The following HS2ST1 variants were observed in gnomAD, a reference collection of about 807,000 sequenced individuals.
The protein encoded by HS2ST1 is 2-O-sulfotransferase.
In HS2ST1, 18 loss-of-function variants were observed where a neutral mutation model predicts 42.9. That is an observed-to-expected ratio of 0.42 (90% confidence interval 0.29 to 0.62). HS2ST1 has a LOEUF of 0.62. Ranked by LOEUF, HS2ST1 falls within the 20% of genes least tolerant of loss-of-function variation. The pLI is 0.21. For synonymous variants in HS2ST1, 146 were observed against 152.9 expected (o/e 0.95, Z 0.33); for missense variants, 334 against 433.8 (o/e 0.77, Z 2.04).
intron 1 of HS2ST1, among the ~76,000 whole-genome samples, chr1:86,949,452 C>T (rs1647436281): frequency 6.6e-6 from 1 of 152,116 alleles, no homozygotes; most frequent in Non-Finnish European, 1.5e-5. Flanking sequence ...GGCCATACAT[C>T]TCTACAGAAA....
chr1:86,938,747 A>G (rs1160006276), intron 1 of HS2ST1, among the ~76,000 whole-genome samples: 1 of 152,192 alleles, frequency 6.6e-6, no homozygotes, highest in African/African-American at 2.4e-5. Flanking sequence ...AGTCTCAGAA[A>G]ATAAGGAGTT....
chr1:87,006,179 T>G (rs1211409221), intron 1 of HS2ST1, among the ~76,000 whole-genome samples: 1 of 152,174 alleles, frequency 6.6e-6, no homozygotes, highest in East Asian at 1.9e-4. Context: ...ACTGTTTTCC[T>G]TGTAATGTTT....
At chr1:86,986,078 C>G (rs553013683) in intron 1 of HS2ST1, among the ~76,000 whole-genome samples, 1 of 142,040 alleles carries the variant, frequency 7.0e-6, no homozygotes, top group African/African-American at 2.6e-5. Flanking sequence ...TTTTCCAGAA[C>G]AGCCCCAATT....
intron 1 of HS2ST1, among the ~76,000 whole-genome samples, chr1:86,990,849 T>A (rs1255436297): frequency 1.3e-4 from 14 of 108,612 alleles, no homozygotes; most frequent in African/African-American, 3.2e-4. Flanking sequence ...TTTTTTTTTT[T>A]TTTTTTTTTT....
chr1:87,033,836 C>A, intron 1 of HS2ST1, among the ~76,000 whole-genome samples: 1 of 152,094 alleles, frequency 6.6e-6, no homozygotes, highest in Non-Finnish European at 1.5e-5. Context: ...GAGCCACCGC[C>A]CCCGGCCTTA....
chr1:86,999,375 T>TAGAG (rs1196421811), intron 1 of HS2ST1, among the ~76,000 whole-genome samples: 3 of 151,992 alleles, frequency 2.0e-5, no homozygotes, highest in Non-Finnish European at 4.4e-5. Context: ...GCAGGGTTTC[T>TAGAG]CCATGTTGGT....
chr1:86,964,530 G>A (rs375993551), intron 1 of HS2ST1, among the ~76,000 whole-genome samples: 3 of 152,214 alleles, frequency 2.0e-5, no homozygotes, highest in Non-Finnish European at 4.4e-5. Context: ...CGCAGGCACT[G>A]GGCAGGCTGA....
chr1:86,985,383 T>TATATACACAC (rs1413099470), intron 1 of HS2ST1, among the ~76,000 whole-genome samples: 13 of 44,730 alleles, frequency 2.9e-4, no homozygotes, highest in East Asian at 4.4e-3. Context: ...TATATATATA[T>TATATACACAC]ACACACACAC....
intron 1 of HS2ST1, among the ~76,000 whole-genome samples, chr1:86,947,895 C>G (rs1370175260): frequency 6.6e-6 from 1 of 151,928 alleles, no homozygotes; most frequent in African/African-American, 2.4e-5. Flanking sequence ...AAGCACATCC[C>G]AAGAAGAAGA....
intron 1 of HS2ST1, among the ~76,000 whole-genome samples, chr1:87,025,536 C>CA (rs1650062181): frequency 6.6e-6 from 1 of 152,156 alleles, no homozygotes; most frequent in African/African-American, 2.4e-5. Flanking sequence ...GACAAATGCA[C>CA]AGAGACATCT....
At chr1:86,918,959 T>G (rs1028770284) in intron 1 of HS2ST1, among the ~76,000 whole-genome samples, 14 of 150,946 alleles carry the variant, frequency 9.3e-5, no homozygotes, top group African/African-American at 3.4e-4. Flanking sequence ...TTTTAAATTT[T>G]TTTTATTTTT....
chr1:86,985,401 T>C (rs113871755), intron 1 of HS2ST1, among the ~76,000 whole-genome samples: 344 of 29,670 alleles, frequency 0.012, 35 homozygotes, highest in African/African-American at 0.018. Flanking sequence ...CACACACACA[T>C]ATATATACAC....
chr1:87,022,627 AG>A (rs1293406385), intron 1 of HS2ST1, among the ~76,000 whole-genome samples: 1 of 152,048 alleles, frequency 6.6e-6, no homozygotes, highest in East Asian at 1.9e-4. Context: ...GGGCCCTAGA[AG>A]GGTTGCACCT....
chr1:86,950,387 G>A (rs1219186328), intron 1 of HS2ST1, among the ~76,000 whole-genome samples: 1 of 151,908 alleles, frequency 6.6e-6, no homozygotes, highest in Non-Finnish European at 1.5e-5. Context: ...TAGGTAGATA[G>A]ACAGACAGAC....
At position 87,108,456 on chromosome 1, in the gene HS2ST1, G is replaced by A. The variant is rs545971688; in HGVS notation, c.*3760G>A. On this transcript the variant is annotated 3_prime_UTR_variant, in exon 7 of 7. Coordinates refer to ENST00000370550, the MANE Select transcript of HS2ST1 (RefSeq NM_012262.4). ...CATAAATTAGTGCTGTTTACTTTCA[G>A]AGGAAGCAGAGAAGTTGCTGTTATG... The A allele has an allele frequency of 6.6e-6, 1 of 152,162 alleles. No homozygotes were observed. The highest frequency in any genetic ancestry group is 1.5e-5 in the Non-Finnish European group (1 of 67,950). 9.4% of individuals were successfully genotyped at this position (152,162 alleles called of 1,614,324 possible).
intron 1 of HS2ST1, among the ~76,000 whole-genome samples, chr1:86,940,470 A>G (rs955776174): frequency 4.6e-5 from 7 of 152,226 alleles, no homozygotes; most frequent in African/African-American, 1.7e-4. Context: ...ACTATTTACT[A>G]AAGCTGCATG....
chr1:87,054,739 C>G (rs532571568), intron 1 of HS2ST1, among the ~76,000 whole-genome samples: 2 of 152,280 alleles, frequency 1.3e-5, no homozygotes, highest in Admixed American at 1.3e-4. Context: ...TTTCTGCACT[C>G]TATCGGCCAG....
At chr1:86,923,924 C>T (rs959769448) in intron 1 of HS2ST1, among the ~76,000 whole-genome samples, 7 of 152,130 alleles carry the variant, frequency 4.6e-5, no homozygotes, top group Admixed American at 2.0e-4. Context: ...TCATGCCTTC[C>T]CACAGTCCCC....
chr1:87,002,464 G>T (rs932671942), intron 1 of HS2ST1, among the ~76,000 whole-genome samples: 6 of 151,928 alleles, frequency 3.9e-5, no homozygotes, highest in Non-Finnish European at 7.4e-5. Context: ...GCATGGTGGT[G>T]TATGCCTGTA....
Sources: gnomAD v4.1 joint callset for allele counts (sites outside exome capture counted in the v4.1 genomes callset) on GRCh38, gnomAD v4.1.1 for gene constraint, MANE v1.5 for transcripts, NCBI Gene and HGNC (gene_info 2026-07-23, HGNC 2026-07-21) for gene names.